Variants in HCN1 observed in about 807,000 individuals in gnomAD.
HCN1 encodes potassium/sodium hyperpolarization-activated cyclic nucleotide-gated channel 1.
Under a neutral mutation model 78.9 loss-of-function variants are expected in HCN1, and 13 were observed. The ratio of observed to expected loss-of-function variants is 0.16; its 90% CI spans 0.11 to 0.26. The LOEUF (loss-of-function observed/expected upper bound fraction) is 0.26. Ranked by LOEUF, HCN1 falls within the 10% of genes least tolerant of loss-of-function variation. HCN1 has a pLI of 1.00. For missense variants in HCN1, 810 were observed against 1,154.3 expected (o/e 0.70, Z 4.32); for synonymous variants, 552 against 455.5 (o/e 1.21, Z -2.70).
chr5:45,356,149 A>T (rs1747003540), intron 4 of HCN1, among the ~76,000 whole-genome samples: 1 of 152,046 alleles, frequency 6.6e-6, no homozygotes, highest in African/African-American at 2.4e-5. Context: ...TCAAAAAATG[A>T]TAAAATGGCA....
At chr5:45,632,279 T>C (rs1745281396) in intron 2 of HCN1, among the ~76,000 whole-genome samples, 1 of 147,696 alleles carries the variant, frequency 6.8e-6, no homozygotes, top group African/African-American at 2.5e-5. Context: ...TAATGTTCCA[T>C]TGTGTGTGTG....
chr5:45,658,887 G>A (rs1347619384), intron 1 of HCN1, among the ~76,000 whole-genome samples: 62 of 148,206 alleles, frequency 4.2e-4, no homozygotes, highest in Non-Finnish European at 6.6e-4. Flanking sequence ...AGGGGCGCCC[G>A]CCATTGCCCA....
intron 2 of HCN1, among the ~76,000 whole-genome samples, chr5:45,607,836 T>C (rs1381332519): frequency 6.6e-6 from 1 of 151,740 alleles, no homozygotes; most frequent in Non-Finnish European, 1.5e-5. Flanking sequence ...CAAGAAAGAA[T>C]ACCTGCTGTC....
chr5:45,579,633 G>T (rs563438846), intron 2 of HCN1, among the ~76,000 whole-genome samples: 1 of 152,038 alleles, frequency 6.6e-6, no homozygotes, highest in Non-Finnish European at 1.5e-5. Context: ...GTTTTTAATT[G>T]TTAACATTTC....
chr5:45,547,285 C>A (rs1743250219), intron 2 of HCN1, among the ~76,000 whole-genome samples: 1 of 151,824 alleles, frequency 6.6e-6, no homozygotes, highest in African/African-American at 2.4e-5. Context: ...CAATGAAAGA[C>A]AAGGAGCTAC....
At chr5:45,386,200 G>T (rs1262693192) in intron 4 of HCN1, among the ~76,000 whole-genome samples, 1 of 143,228 alleles carries the variant, frequency 7.0e-6, no homozygotes, top group African/African-American at 2.6e-5. Context: ...TTTTTGGACA[G>T]GGCCTTGCTG....
intron 2 of HCN1, among the ~76,000 whole-genome samples, chr5:45,604,893 T>G (rs1744695925): frequency 6.6e-6 from 1 of 152,082 alleles, no homozygotes; most frequent in African/African-American, 2.4e-5. Flanking sequence ...TTTACTTTAG[T>G]TAAAATTTAT....
chr5:45,276,565 A>G (rs1383435263), intron 6 of HCN1, among the ~76,000 whole-genome samples: 1 of 152,148 alleles, frequency 6.6e-6, no homozygotes, highest in African/African-American at 2.4e-5. Flanking sequence ...AATTAAAGAT[A>G]ACATGAATTC....
In HCN1 at chr5:45,372,313, G is replaced by A. The variant is rs1349008410; in HGVS notation, c.1231-19067C>T. On this transcript the variant is annotated intron_variant, in intron 4 of 7. Transcript: ENST00000303230. ...ATTTCATATATAATATATAATATGT[G>A]AAATATATATGTTATATAATATATA... Among the ~76,000 whole-genome samples the A allele has an allele frequency of 1.8e-3, 157 of 86,144 alleles. 2 individuals are homozygous for A. The highest frequency in any genetic ancestry group is 6.5e-3 in the African/African-American group (134 of 20,678). 56.5% of individuals were successfully genotyped at this position (86,144 alleles called of 152,430 possible).
chr5:45,397,473 T>A (rs886303705), intron 3 of HCN1, among the ~76,000 whole-genome samples: 1 of 152,014 alleles, frequency 6.6e-6, no homozygotes, highest in African/African-American at 2.4e-5. Context: ...CAAGCTCAAT[T>A]TTTTAAAAAT....
intron 3 of HCN1, among the ~76,000 whole-genome samples, chr5:45,430,646 C>A (rs1294869826): frequency 6.6e-6 from 1 of 151,896 alleles, no homozygotes; most frequent in African/African-American, 2.4e-5. Context: ...GTGTAGTATC[C>A]CATGGTGTTT....
At chr5:45,282,463 CTAGA>C (rs1265706341) in intron 6 of HCN1, among the ~76,000 whole-genome samples, 1 of 152,170 alleles carries the variant, frequency 6.6e-6, no homozygotes, top group Non-Finnish European at 1.5e-5. Context: ...TGCTGTCTAG[CTAGA>C]TATAGTACAA....
At chr5:45,405,729 T>C (rs1373181254) in intron 3 of HCN1, among the ~76,000 whole-genome samples, 2 of 152,184 alleles carry the variant, frequency 1.3e-5, no homozygotes, top group African/African-American at 4.8e-5. Context: ...TATTTAGTGC[T>C]ATGATCTGCG....
At chr5:45,388,859 A>G (rs74638482) in intron 4 of HCN1, among the ~76,000 whole-genome samples, 2,454 of 152,186 alleles carry the variant, frequency 0.016, 70 homozygotes, top group African/African-American at 0.056. Context: ...TATAATGGCT[A>G]TTTAGTATTC....
In HCN1 at chr5:45,501,735, C is replaced by T. The variant is rs182048612; in HGVS notation, c.850-39728G>A. 2.7e-3 allele frequency among the ~76,000 whole-genome samples: 407 copies of T among 152,254 alleles called. 2 individuals carry two copies. Among genetic ancestry groups the T allele is most frequent in the African/African-American group, 9.1e-3 (376 of 41,546 alleles). On this transcript the variant is annotated intron_variant, in intron 2 of 7. Coordinates refer to ENST00000303230, the MANE Select transcript of HCN1 (RefSeq NM_021072.4). ...GATTACAGGCACGAGCCACTGTGCC[C>T]AGCCACAAATTTCACATTTTTTAAA...
chr5:45,694,625 A>G (rs949724423), intron 1 of HCN1, among the ~76,000 whole-genome samples: 4 of 152,222 alleles, frequency 2.6e-5, no homozygotes, highest in African/African-American at 7.2e-5. Flanking sequence ...AGTTCGGCCA[A>G]ATAAATAAAT....
At chr5:45,554,554 T>C (rs1007427734) in intron 2 of HCN1, among the ~76,000 whole-genome samples, 15 of 151,770 alleles carry the variant, frequency 9.9e-5, no homozygotes, top group African/African-American at 3.6e-4. Flanking sequence ...ACAGAAACAA[T>C]GTCTGATAGA....
intron 2 of HCN1, among the ~76,000 whole-genome samples, chr5:45,495,720 T>TGA (rs1480772585): frequency 2.6e-5 from 4 of 152,202 alleles, no homozygotes; most frequent in Non-Finnish European, 5.9e-5. Context: ...CCATTCACTA[T>TGA]GATATTGGCT....
chr5:45,295,912 T>C (rs187967203), intron 6 of HCN1, among the ~76,000 whole-genome samples: 9 of 152,154 alleles, frequency 5.9e-5, no homozygotes, highest in Non-Finnish European at 8.8e-5. Context: ...ATGTATAGCT[T>C]ATTAAATAAG....
Sources: allele counts gnomAD v4.1 joint callset (sites outside exome capture counted in the v4.1 genomes callset), GRCh38; gene constraint gnomAD v4.1.1; transcripts MANE v1.5; gene names NCBI Gene and HGNC (gene_info 2026-07-23, HGNC 2026-07-21).